The following RANBP17 variants were observed in gnomAD, a reference collection of about 807,000 sequenced individuals.
RANBP17 encodes the protein RAN binding protein 17, also known as ran-binding protein 17.
In RANBP17, 158 loss-of-function variants were observed where a neutral mutation model predicts 141.2. The observed-to-expected ratio is 1.12, with a 90% CI of 0.98 to 1.28. The LOEUF (loss-of-function observed/expected upper bound fraction) is 1.28, where lower values mean the gene tolerates loss of function less well. RANBP17 is among the 50% of genes most tolerant of loss of function. The pLI is 0.00. For synonymous variants in RANBP17, 430 were observed against 450.0 expected (o/e 0.96, Z 0.56); for missense variants, 1,438 against 1,290.7 (o/e 1.11, Z -1.75).
At chr5:171,197,864 C>G (rs1762066278) in intron 18 of RANBP17, among the ~76,000 whole-genome samples, 1 of 152,010 alleles carries the variant, frequency 6.6e-6, no homozygotes, top group African/African-American at 2.4e-5. Context: ...CGGTGAAACC[C>G]CATCTCTACT....
chr5:171,010,239 C>T lies in RANBP17; in HGVS notation c.1710+41862C>T, dbSNP rs1779945545. Among the ~76,000 whole-genome samples the T allele has an allele frequency of 3.9e-5, 6 of 152,142 alleles. 1 individual carries two copies. In the South Asian group the frequency reaches 1.2e-3, roughly 31 times the overall value. On this transcript the variant is annotated intron_variant, in intron 14 of 27. Transcript: ENST00000523189. ...GTTGCTGGAGATGGACTTTAGAGTT[C>T]CCACCCTGCTAAAATAGAGGAACTT... is the stretch of plus-strand genomic sequence containing the variant.
intron 14 of RANBP17, among the ~76,000 whole-genome samples, chr5:171,164,699 C>T (rs1021666130): frequency 1.3e-5 from 2 of 152,168 alleles, no homozygotes; most frequent in Non-Finnish European, 2.9e-5. Flanking sequence ...CATTTCTAAT[C>T]ACTTTCCATA....
chr5:171,254,001 A>G (rs1044502952), intron 24 of RANBP17, among the ~76,000 whole-genome samples: 1 of 152,144 alleles, frequency 6.6e-6, no homozygotes, highest in Non-Finnish European at 1.5e-5. Context: ...TAATCCCAAC[A>G]CTTTAGGAGG....
chr5:170,984,003 G>A (rs1284306680), intron 14 of RANBP17, among the ~76,000 whole-genome samples: 3 of 152,176 alleles, frequency 2.0e-5, no homozygotes, highest in Non-Finnish European at 4.4e-5. Flanking sequence ...GCTAAGGCTT[G>A]TGGTATTCCC....
intron 14 of RANBP17, among the ~76,000 whole-genome samples, chr5:170,973,410 C>T (rs1473151439): frequency 1.3e-5 from 2 of 151,974 alleles, no homozygotes; most frequent in African/African-American, 4.8e-5. Context: ...TTTTTTAAGA[C>T]ATAAAAAAGC....
intron 24 of RANBP17, chr5:171,251,750 C>T: frequency 1.2e-6 from 1 of 838,018 alleles, no homozygotes; most frequent in Non-Finnish European, 2.0e-6. Flanking sequence ...CAGGTGGCCC[C>T]GTTCCCCTCC....
intron 14 of RANBP17, among the ~76,000 whole-genome samples, chr5:171,075,764 C>T (rs1385394938): frequency 6.6e-6 from 1 of 152,078 alleles, no homozygotes; most frequent in East Asian, 1.9e-4. Context: ...ACCAGACTGG[C>T]CACGATGGCG....
At chr5:171,079,746 A>G (rs953449208) in intron 14 of RANBP17, among the ~76,000 whole-genome samples, 1 of 152,198 alleles carries the variant, frequency 6.6e-6, no homozygotes, top group African/African-American at 2.4e-5. Flanking sequence ...ACATAGTGTG[A>G]TTGCACAGGT....
chr5:171,170,567 A>G (rs1394661858), intron 15 of RANBP17, among the ~76,000 whole-genome samples: 1 of 152,132 alleles, frequency 6.6e-6, no homozygotes, highest in Non-Finnish European at 1.5e-5. Flanking sequence ...AATTGAAATC[A>G]TTGAGAGAGG....
At chr5:170,931,656 A>G (rs1337623923) in intron 12 of RANBP17, among the ~76,000 whole-genome samples, 1 of 152,170 alleles carries the variant, frequency 6.6e-6, no homozygotes, top group African/African-American at 2.4e-5. Flanking sequence ...ACCGTTTATT[A>G]AGTAGGGAAT....
At chr5:170,999,697 T>C (rs1779069259) in intron 14 of RANBP17, among the ~76,000 whole-genome samples, 1 of 152,194 alleles carries the variant, frequency 6.6e-6, no homozygotes. Flanking sequence ...CTAATACCTA[T>C]TATTCTTTCT....
intron 22 of RANBP17, among the ~76,000 whole-genome samples, chr5:171,225,551 T>G (rs965457962): frequency 9.2e-5 from 14 of 151,578 alleles, no homozygotes; most frequent in South Asian, 8.4e-4. Flanking sequence ...AAAGAGTGAC[T>G]GGGAGGGCAC....
chr5:170,862,491 T>G (rs1561834188), intron 1 of RANBP17, among the ~76,000 whole-genome samples: 1 of 152,162 alleles, frequency 6.6e-6, no homozygotes, highest in Non-Finnish European at 1.5e-5. Flanking sequence ...GGCTCTATCG[T>G]CAGCCTCCCT....
intron 12 of RANBP17, among the ~76,000 whole-genome samples, chr5:170,929,767 A>G (rs947167604): frequency 4.6e-5 from 7 of 152,150 alleles, no homozygotes; most frequent in Non-Finnish European, 7.4e-5. Context: ...ATCTTGTGAA[A>G]GAATTTGTGT....
At chr5:171,172,365 G>A (rs773380021) in intron 16 of RANBP17, among the ~76,000 whole-genome samples, 22 of 151,588 alleles carry the variant, frequency 1.5e-4, no homozygotes, top group Non-Finnish European at 2.7e-4. Context: ...AGGATTTCAG[G>A]ATTCTTTTTA....
At chr5:171,029,169 A>T in intron 14 of RANBP17, 1 of 201,570 alleles carries the variant, frequency 5.0e-6, no homozygotes, top group Non-Finnish European at 1.0e-5. Flanking sequence ...ATTGATGATT[A>T]ATCACCTTAT....
At chr5:171,069,006 G>A (rs866357413) in intron 14 of RANBP17, among the ~76,000 whole-genome samples, 2 of 150,524 alleles carry the variant, frequency 1.3e-5, no homozygotes, top group Non-Finnish European at 2.9e-5. Context: ...TCCTTGTCAT[G>A]TGTGGTCACT....
At chr5:171,288,379 A>G (rs530571368) in intron 25 of RANBP17, among the ~76,000 whole-genome samples, 39 of 152,356 alleles carry the variant, frequency 2.6e-4, no homozygotes, top group Admixed American at 6.5e-4. Context: ...AGAATGAGCC[A>G]TGGCCAGAAA....
chr5:171,102,881 G>T (rs1466860020), intron 14 of RANBP17, among the ~76,000 whole-genome samples: 1 of 152,060 alleles, frequency 6.6e-6, no homozygotes, highest in Non-Finnish European at 1.5e-5. Context: ...GCTGGAGTTT[G>T]CTGGGGGCCC....
Sources: gnomAD v4.1 joint callset for allele counts (sites outside exome capture counted in the v4.1 genomes callset) on GRCh38, gnomAD v4.1.1 for gene constraint, MANE v1.5 for transcripts, NCBI Gene and HGNC (gene_info 2026-07-23, HGNC 2026-07-21) for gene names.